STXBP5L: variants seen among roughly 807,000 people sequenced by gnomAD.
STXBP5L encodes syntaxin binding protein 5L.
In STXBP5L, 65 loss-of-function variants were observed where a neutral mutation model predicts 144.5. The observed-to-expected ratio is 0.45, with a 90% CI of 0.37 to 0.55. The LOEUF (loss-of-function observed/expected upper bound fraction) is 0.55. Among genes scored for constraint, STXBP5L ranks in the 20% least tolerant of loss-of-function variants. The probability of loss-of-function intolerance (pLI) is 0.00; values close to 1 mark genes in which losing one functional copy is unlikely to be tolerated. For synonymous variants in STXBP5L, 505 were observed against 469.6 expected (o/e 1.08, Z -0.97); for missense variants, 1,298 against 1,405.5 (o/e 0.92, Z 1.22).
chr3:121,294,913 T>C (rs2051588852), intron 19 of STXBP5L, among the ~76,000 whole-genome samples: 1 of 152,138 alleles, frequency 6.6e-6, no homozygotes, highest in Non-Finnish European at 1.5e-5. Context: ...TGAAAGTTGT[T>C]AGTGACCCTT....
chr3:121,007,365 G>C (rs904805340), intron 3 of STXBP5L, among the ~76,000 whole-genome samples: 4 of 151,714 alleles, frequency 2.6e-5, no homozygotes, highest in Non-Finnish European at 5.9e-5. Flanking sequence ...AGTTTTGGCT[G>C]GTGTAGTTAT....
At chr3:121,026,469 C>G (rs1035977240) in intron 3 of STXBP5L, among the ~76,000 whole-genome samples, 9 of 152,124 alleles carry the variant, frequency 5.9e-5, no homozygotes, top group African/African-American at 1.7e-4. Flanking sequence ...TGTTGCTTCC[C>G]TTCAAGTAAA....
intron 9 of STXBP5L, among the ~76,000 whole-genome samples, chr3:121,174,851 T>A (rs1044168421): frequency 2.6e-5 from 4 of 152,060 alleles, no homozygotes; most frequent in African/African-American, 9.7e-5. Context: ...CTATTTATTT[T>A]ATTGACAAAA....
At chr3:121,206,688 C>T (rs1293812726) in intron 10 of STXBP5L, among the ~76,000 whole-genome samples, 1 of 152,054 alleles carries the variant, frequency 6.6e-6, no homozygotes, top group Admixed American at 6.6e-5. Context: ...GTGGCATGTG[C>T]CTGTAATCCC....
At chr3:121,195,103 C>T (rs1054225885) in intron 9 of STXBP5L, among the ~76,000 whole-genome samples, 1 of 151,414 alleles carries the variant, frequency 6.6e-6, no homozygotes, top group Non-Finnish European at 1.5e-5. Context: ...TTTTTTAATA[C>T]AAAATTTAGA....
At chr3:121,061,753 G>A (rs2041290314) in intron 5 of STXBP5L, among the ~76,000 whole-genome samples, 2 of 152,056 alleles carry the variant, frequency 1.3e-5, no homozygotes, top group African/African-American at 4.8e-5. Flanking sequence ...GATCTTTGTT[G>A]GTTTAAAGTC....
intron 20 of STXBP5L, among the ~76,000 whole-genome samples, chr3:121,335,672 G>A (rs906919831): frequency 6.6e-6 from 1 of 150,784 alleles, no homozygotes; most frequent in Non-Finnish European, 1.5e-5. Context: ...CTGATCTTTG[G>A]ACTCCTTATT....
chr3:121,168,188 T>C (rs1488267575), intron 9 of STXBP5L, among the ~76,000 whole-genome samples: 2 of 151,596 alleles, frequency 1.3e-5, no homozygotes, highest in African/African-American at 4.8e-5. Context: ...GTCACCAACA[T>C]CAAAGACCAA....
intron 11 of STXBP5L, among the ~76,000 whole-genome samples, chr3:121,232,239 G>A (rs1049336851): frequency 1.3e-5 from 2 of 151,922 alleles, no homozygotes; most frequent in African/African-American, 2.4e-5. Context: ...ATTTATAATC[G>A]AGTGCCACGT....
intron 3 of STXBP5L, among the ~76,000 whole-genome samples, chr3:121,000,959 G>A (rs1038486993): frequency 3.3e-5 from 5 of 152,138 alleles, no homozygotes; most frequent in African/African-American, 1.2e-4. Context: ...TTGTTCTCTG[G>A]CTTCTCAAAG....
At chr3:120,915,608 G>A (rs1305228539) in intron 2 of STXBP5L, among the ~76,000 whole-genome samples, 1 of 152,054 alleles carries the variant, frequency 6.6e-6, no homozygotes, top group Non-Finnish European at 1.5e-5. Flanking sequence ...TTAAAAGGAG[G>A]ATAACTTTTC....
intron 5 of STXBP5L, among the ~76,000 whole-genome samples, chr3:121,067,437 T>A (rs2041601318): frequency 6.6e-6 from 1 of 152,152 alleles, no homozygotes; most frequent in South Asian, 2.1e-4. Flanking sequence ...AGTTGAGAGT[T>A]TTCTATCTCT....
intron 5 of STXBP5L, among the ~76,000 whole-genome samples, chr3:121,055,479 A>G (rs1948389810): frequency 6.6e-6 from 1 of 152,132 alleles, no homozygotes; most frequent in Admixed American, 6.6e-5. Flanking sequence ...TAGATTGTTA[A>G]GTAATAGGCT....
intron 18 of STXBP5L, among the ~76,000 whole-genome samples, chr3:121,265,797 C>A (rs944971670): frequency 6.6e-6 from 1 of 152,028 alleles, no homozygotes; most frequent in Non-Finnish European, 1.5e-5. Flanking sequence ...GATATCACCT[C>A]TAATCCCACA....
Position 121,152,552 on chromosome 3 carries a change from T to C in STXBP5L, c.745T>C (p.Tyr249His), listed in dbSNP as rs375007836. 3 of 1,601,396 alleles carry C rather than the reference T, an allele frequency of 1.9e-6. No individual in the cohort carries two copies. Among genetic ancestry groups the C allele is most frequent in the African/African-American group, 2.7e-5 (2 of 74,254 alleles). Residue 249 changes from tyrosine to histidine, a missense_variant, in exon 8 of 27, where the codon TAT becomes CAT. Transcript: ENST00000471454. ...TAAAAGAGCAGAACTGAGAGTTTATTATGATGAGGTAAGTGATTTCTACCG... is the reference window on the plus strand; with the variant it reads ...TAAAAGAGCAGAACTGAGAGTTTATCATGATGAGGTAAGTGATTTCTACCG... ...KSKRAELRVY[Y>H]DEAIHSIDWH...
intron 3 of STXBP5L, among the ~76,000 whole-genome samples, chr3:121,013,559 T>G (rs528272084): frequency 6.6e-6 from 1 of 151,802 alleles, no homozygotes; most frequent in South Asian, 2.1e-4. Flanking sequence ...TTATAGGTTT[T>G]GGGTATTAGT....
intron 19 of STXBP5L, among the ~76,000 whole-genome samples, chr3:121,311,608 TA>T (rs2043532029): frequency 6.6e-6 from 1 of 152,034 alleles, no homozygotes; most frequent in Non-Finnish European, 1.5e-5. Context: ...TCAAAGAGAA[TA>T]AAATACTTAG....
intron 19 of STXBP5L, among the ~76,000 whole-genome samples, chr3:121,289,737 G>A (rs1431915019): frequency 1.3e-5 from 2 of 151,958 alleles, no homozygotes; most frequent in Non-Finnish European, 2.9e-5. Context: ...TTCACACAGT[G>A]GAATAAACTC....
chr3:121,321,772 T>C (rs2043978866), intron 20 of STXBP5L, among the ~76,000 whole-genome samples: 1 of 152,336 alleles, frequency 6.6e-6, no homozygotes, highest in African/African-American at 2.4e-5. Flanking sequence ...TGCAAATGTC[T>C]CTGAATAAAG....
Sources: gnomAD v4.1 joint callset for allele counts (sites outside exome capture counted in the v4.1 genomes callset) on GRCh38, gnomAD v4.1.1 for gene constraint, MANE v1.5 for transcripts, NCBI Gene and HGNC (gene_info 2026-07-23, HGNC 2026-07-21) for gene names.